SPMIP2: variants seen among roughly 807,000 people sequenced by gnomAD.
SPMIP2 encodes protein SPMIP2.
chr4:158,924,552 T>C, the SPMIP2 span, among the ~76,000 whole-genome samples: 2 of 151,346 alleles, frequency 1.3e-5, no homozygotes, highest in African/African-American at 4.9e-5. Context: ...GCTAATTTTT[T>C]TGTATTTTTA....
At chr4:159,068,011 A>G in the SPMIP2 span, among the ~76,000 whole-genome samples, 1 of 152,228 alleles carries the variant, frequency 6.6e-6, no homozygotes, top group African/African-American at 2.4e-5. Flanking sequence ...TCAGGAAACA[A>G]CAGTTGCTGG....
At chr4:159,006,876 G>C in the SPMIP2 span, among the ~76,000 whole-genome samples, 1 of 152,162 alleles carries the variant, frequency 6.6e-6, no homozygotes, top group African/African-American at 2.4e-5. Context: ...CACCACAAAC[G>C]AGGGCTGAGG....
the SPMIP2 span, among the ~76,000 whole-genome samples, chr4:158,999,896 T>G: frequency 6.6e-6 from 1 of 152,232 alleles, no homozygotes; most frequent in South Asian, 2.1e-4. Flanking sequence ...AAGAACCTAC[T>G]TGGTATAATA....
the SPMIP2 span, among the ~76,000 whole-genome samples, chr4:158,998,823 G>A: frequency 2.0e-5 from 3 of 152,206 alleles, no homozygotes; most frequent in Admixed American, 6.6e-5. Context: ...ACTGGACTGG[G>A]TGGAAATAGT....
the SPMIP2 span, among the ~76,000 whole-genome samples, chr4:158,921,884 C>CT: frequency 8.4e-4 from 77 of 91,332 alleles, 1 homozygote; most frequent in African/African-American, 2.4e-3. Flanking sequence ...CTTCTACATA[C>CT]TTTTTTTTTT....
the SPMIP2 span, among the ~76,000 whole-genome samples, chr4:158,994,213 A>G: frequency 6.6e-6 from 1 of 152,244 alleles, no homozygotes; most frequent in East Asian, 1.9e-4. Context: ...CTGTGCTTTG[A>G]ATGTGGGAGA....
the SPMIP2 span, chr4:159,007,075 C>A: frequency 1 from 544,916 of 545,382 alleles, 272,226 homozygotes; most frequent in East Asian, 1. Flanking sequence ...TATATTGAAG[C>A]ATACGGTAAT....
At chr4:159,026,737 A>C in the SPMIP2 span, among the ~76,000 whole-genome samples, 1 of 152,050 alleles carries the variant, frequency 6.6e-6, no homozygotes, top group Non-Finnish European at 1.5e-5. Context: ...AATAAAAAAT[A>C]AAAAAATTAA....
At chr4:158,922,107 C>G in the SPMIP2 span, among the ~76,000 whole-genome samples, 3 of 152,234 alleles carry the variant, frequency 2.0e-5, no homozygotes, top group South Asian at 6.2e-4. Flanking sequence ...CCAGGATGGT[C>G]TCAATCTCCT....
chr4:158,972,644 T>C, the SPMIP2 span, among the ~76,000 whole-genome samples: 1 of 152,212 alleles, frequency 6.6e-6, no homozygotes, highest in Non-Finnish European at 1.5e-5. Context: ...GAATTATTAA[T>C]ACTTGATACG....
the SPMIP2 span, among the ~76,000 whole-genome samples, chr4:158,924,011 G>A: frequency 6.6e-6 from 1 of 152,094 alleles, no homozygotes; most frequent in Non-Finnish European, 1.5e-5. Context: ...CAATAGGACA[G>A]GTGTCCTTAT....
At chr4:158,999,036 CACCTGTGGTCCCAGCTACTTGAGAGGTTG>C in the SPMIP2 span, among the ~76,000 whole-genome samples, 1 of 152,166 alleles carries the variant, frequency 6.6e-6, no homozygotes, top group South Asian at 2.1e-4. Context: ...TGGTGGCACA[CACCTGTGGTCCCAGCTACTTGAGAGGTTG>C]AGGCTGGAGG....
the SPMIP2 span, among the ~76,000 whole-genome samples, chr4:158,901,606 C>G: frequency 3.3e-5 from 5 of 152,132 alleles, no homozygotes; most frequent in African/African-American, 1.2e-4. Flanking sequence ...TCCATTCTCC[C>G]TGTCACTTTC....
chr4:159,069,747 A>AT, the SPMIP2 span, among the ~76,000 whole-genome samples: 716 of 151,678 alleles, frequency 4.7e-3, 10 homozygotes, highest in African/African-American at 0.016. Flanking sequence ...CATGATACAT[A>AT]TTTTTTTTTC....
the SPMIP2 span, among the ~76,000 whole-genome samples, chr4:159,070,296 C>T: frequency 1.3e-5 from 2 of 152,196 alleles, no homozygotes; most frequent in South Asian, 4.1e-4. Flanking sequence ...AAATCTTTTG[C>T]CATAATAAAC....
At chr4:158,919,641 C>T in the SPMIP2 span, among the ~76,000 whole-genome samples, 2 of 152,176 alleles carry the variant, frequency 1.3e-5, no homozygotes, top group African/African-American at 2.4e-5. Context: ...TGGAAAAGTA[C>T]TTTGAAATTA....
the SPMIP2 span, among the ~76,000 whole-genome samples, chr4:159,066,063 T>C: frequency 2.0e-5 from 3 of 152,112 alleles, no homozygotes; most frequent in African/African-American, 7.3e-5. Context: ...CTTCCACTTT[T>C]ATAATTCCAC....
chr4:159,020,823 G>T, the SPMIP2 span, among the ~76,000 whole-genome samples: 1 of 152,080 alleles, frequency 6.6e-6, no homozygotes, highest in Non-Finnish European at 1.5e-5. Context: ...GTGCAGTGGC[G>T]CTATCTCGGC....
chr4:158,915,884 G>T, the SPMIP2 span, among the ~76,000 whole-genome samples: 5 of 152,282 alleles, frequency 3.3e-5, no homozygotes, highest in African/African-American at 9.6e-5. Context: ...TCTCAGCCCT[G>T]CTTTTCCATT....
Sources: allele counts gnomAD v4.1 joint callset (sites outside exome capture counted in the v4.1 genomes callset), GRCh38; gene constraint gnomAD v4.1.1; transcripts MANE v1.5; gene names NCBI Gene and HGNC (gene_info 2026-07-23, HGNC 2026-07-21).